Variants in ADGRD1 observed in about 807,000 individuals in gnomAD.
ADGRD1 encodes G-protein coupled receptor 133.
In ADGRD1, 77 loss-of-function variants were observed where a neutral mutation model predicts 113.4. The observed-to-expected ratio is 0.68, with a 90% CI of 0.57 to 0.82. The LOEUF (loss-of-function observed/expected upper bound fraction) is 0.82, where lower values mean the gene tolerates loss of function less well. ADGRD1 is among the 40% of genes least tolerant of loss of function. The pLI, the probability that ADGRD1 is intolerant of heterozygous loss-of-function variation, is 0.00. For missense variants in ADGRD1, 1,036 were observed against 1,139.1 expected, an observed-to-expected ratio of 0.91 and a Z score of 1.30; for synonymous variants, 474 against 475.0, an observed-to-expected ratio of 1.00 and a Z score of 0.03.
chr12:131,120,810 G>C, intron 19 of ADGRD1, 37 bp from the exon 20 acceptor site: 1 of 1,610,276 alleles, frequency 6.2e-7, no homozygotes, highest in Non-Finnish European at 8.5e-7. Context: ...CAGGTGGAAC[G>C]AGGTTGTTGA....
At position 131,138,935 on chromosome 12, in the gene ADGRD1, C is replaced by T. The variant is rs922819085; in HGVS notation, c.2530-233C>T. Among the ~76,000 whole-genome samples the T allele has an allele frequency of 5.3e-5, 8 of 152,274 alleles. No individual in the cohort carries two copies. The Middle Eastern group carries it at 0.01, about 194-fold the overall frequency. On this transcript the variant is annotated intron_variant, in intron 24 of 24. Coordinates refer to ENST00000261654, the MANE Select transcript of ADGRD1 (RefSeq NM_198827.5). ...GAGGGAGTGAGCGCTCAGCACAGCA[C>T]GCCTGCAGTGCCCTTAAGGGGAGTC...
At chr12:131,073,867 A>G (rs921312856) in intron 13 of ADGRD1, among the ~76,000 whole-genome samples, 2 of 152,194 alleles carry the variant, frequency 1.3e-5, no homozygotes, top group Non-Finnish European at 2.9e-5. Context: ...ACTTACTCCC[A>G]TAACAGTGAC....
At position 131,136,117 on chromosome 12, in the gene ADGRD1, G is replaced by T. The variant is rs747394503; in HGVS notation, c.2348G>T (p.Cys783Phe). Residue 783 changes from cysteine (C) to phenylalanine (F), a missense_variant, in exon 22 of 25, where the codon TGT becomes TTT. Coordinates refer to ENST00000261654, the MANE Select transcript of ADGRD1 (RefSeq NM_198827.5). ...WVFGVLAVNG[C>F]AVVFQYMFAT... ...TTTGGCGTGCTTGCTGTCAACGGTTGTGCTGTGGTTTTCCAGTACATGTTT... is the reference window on the plus strand; with the variant it reads ...TTTGGCGTGCTTGCTGTCAACGGTTTTGCTGTGGTTTTCCAGTACATGTTT... 5.9e-5 allele frequency: 96 copies of T among 1,614,096 alleles called. No homozygotes were observed. Among genetic ancestry groups the T allele is most frequent in the Non-Finnish European group, 7.8e-5 (92 of 1,180,048 alleles).
intron 20 of ADGRD1, among the ~76,000 whole-genome samples, chr12:131,128,330 A>T (rs950809414): frequency 1.3e-5 from 2 of 151,816 alleles, no homozygotes; most frequent in African/African-American, 4.8e-5. Context: ...GCACTCACTC[A>T]AGTTGCTCGA....
chr12:130,990,815 A>G (rs1378706782), intron 6 of ADGRD1, 199 bp from the exon 7 acceptor site: 8 of 504,508 alleles, frequency 1.6e-5, no homozygotes, highest in Non-Finnish European at 2.8e-5. Flanking sequence ...AAGTAATGTG[A>G]CCTGGGAAAA....
At chr12:130,955,804 A>G (rs889511496) in intron 2 of ADGRD1, among the ~76,000 whole-genome samples, 4 of 151,752 alleles carry the variant, frequency 2.6e-5, no homozygotes, top group Non-Finnish European at 5.9e-5. Flanking sequence ...ATTTTTTGAG[A>G]CAAAGTCTCA....
chr12:131,135,252 G>C (rs1246329626), intron 21 of ADGRD1, among the ~76,000 whole-genome samples: 1 of 152,178 alleles, frequency 6.6e-6, no homozygotes, highest in East Asian at 1.9e-4. Flanking sequence ...TATCACCTTA[G>C]CCATTACCAG....
chr12:131,081,110 A>G (rs1025479191), intron 14 of ADGRD1, among the ~76,000 whole-genome samples: 8 of 152,048 alleles, frequency 5.3e-5, no homozygotes, highest in Non-Finnish European at 1.2e-4. Context: ...AGCTTTGTTG[A>G]TTAGTGTTTG....
chr12:130,976,022 G>A lies in ADGRD1; in HGVS notation c.310+4442G>A, dbSNP rs571802646. Among the ~76,000 whole-genome samples, 10 of 152,310 alleles carry A rather than the reference G, an allele frequency of 6.6e-5. No homozygotes were observed. The South Asian group carries it at 2.1e-3, about 32-fold the overall frequency. ...TCTGCTTATAAACCCCAGAGAGGCTGCTGAGGTCCCGAGGCAGCAGCTGGA... is the reference window on the plus strand; with the variant it reads ...TCTGCTTATAAACCCCAGAGAGGCTACTGAGGTCCCGAGGCAGCAGCTGGA... On this transcript the variant is annotated intron_variant, in intron 4 of 24. Transcript: ENST00000261654.
intron 4 of ADGRD1, chr12:130,978,714 T>A (rs1299224141): frequency 1.3e-5 from 2 of 152,264 alleles, no homozygotes; most frequent in Admixed American, 6.5e-5. Flanking sequence ...GGAATTTTTT[T>A]ATTTTTATTT....
chr12:131,067,098 G>A (rs1884782924), intron 13 of ADGRD1, among the ~76,000 whole-genome samples: 1 of 151,982 alleles, frequency 6.6e-6, no homozygotes, highest in African/African-American at 2.4e-5. Flanking sequence ...TTGCTGACAG[G>A]GTCAAGGATT....
intron 18 of ADGRD1, 74 bp from the exon 19 acceptor site, chr12:131,118,311 G>A (rs1002653885): frequency 5.8e-6 from 6 of 1,026,382 alleles, no homozygotes; most frequent in African/African-American, 1.6e-5. Context: ...AGAAAGGAAG[G>A]GAGGGATGGG....
chr12:131,107,975 G>A (rs1390915388), intron 17 of ADGRD1, among the ~76,000 whole-genome samples: 2 of 152,142 alleles, frequency 1.3e-5, no homozygotes, highest in Non-Finnish European at 2.9e-5. Context: ...GACACGCCCT[G>A]GCTGTTCCCA....
Position 131,018,964 on chromosome 12 carries a change from G to A in ADGRD1, c.1473+4624G>A, listed in dbSNP as rs141897509. On this transcript the variant is annotated intron_variant, in intron 13 of 24. Coordinates refer to ENST00000261654, the MANE Select transcript of ADGRD1 (RefSeq NM_198827.5). The stretch of plus-strand genomic sequence containing the variant: ...GGGGCCTGAGGACATGACAGGCAGC[G>A]TCTCAGCAAGGCCGGGGCACAGACT... Among the ~76,000 whole-genome samples, 280 of 152,328 alleles carry A rather than the reference G, an allele frequency of 1.8e-3. 1 individual carries two copies. Among genetic ancestry groups the A allele is most frequent in the African/African-American group, 6.4e-3 (265 of 41,570 alleles).
chr12:130,992,571 A>G (rs1193476250), intron 8 of ADGRD1, 179 bp downstream of exon 8: 8 of 527,338 alleles, frequency 1.5e-5, no homozygotes, highest in Admixed American at 3.6e-5. Context: ...AGCTCTGTAC[A>G]GCTCAGCGGA....
At chr12:131,131,141 G>T (rs923215311) in intron 20 of ADGRD1, among the ~76,000 whole-genome samples, 143 of 152,286 alleles carry the variant, frequency 9.4e-4, no homozygotes, top group African/African-American at 3.4e-3. Flanking sequence ...TGAAGCCTCT[G>T]CCGGGGCCCC....
At chr12:131,134,246 G>A (rs921023499) in intron 21 of ADGRD1, among the ~76,000 whole-genome samples, 19 of 152,294 alleles carry the variant, frequency 1.2e-4, no homozygotes, top group African/African-American at 4.6e-4. Context: ...CCAACCTTGG[G>A]GGAGCAGAAG....
rs2137072610 is a variant in ADGRD1, at chr12:131,057,931, T to G, written c.1474-18870T>G. Among the ~76,000 whole-genome samples the G allele has an allele frequency of 2.0e-5, 3 of 152,332 alleles. No individual in the cohort carries two copies. In the Middle Eastern group the frequency reaches 0.01, roughly 518 times the overall value. ...CAGCCGTCTTCGTGCTCATCTCGCTTCTTTCTTGTTCATGTTTTTCCTTGT... is the reference window on the plus strand; with the variant it reads ...CAGCCGTCTTCGTGCTCATCTCGCTGCTTTCTTGTTCATGTTTTTCCTTGT... On this transcript the variant is annotated intron_variant, in intron 13 of 24. Transcript: ENST00000261654. This position sits in a 1 kb window ranked among gnomAD's most constrained non-coding sequence, Gnocchi z 4.2.
At chr12:131,009,684 TGTGTG>T (rs1307876295) in intron 12 of ADGRD1, among the ~76,000 whole-genome samples, 1 of 147,124 alleles carries the variant, frequency 6.8e-6, no homozygotes, top group African/African-American at 2.7e-5. Context: ...TGTATGTGCT[TGTGTG>T]GTGTATGTGC....
Sources: allele counts gnomAD v4.1 joint callset (sites outside exome capture counted in the v4.1 genomes callset), GRCh38; gene constraint gnomAD v4.1.1; non-coding constraint Gnocchi (gnomAD v3.1); transcripts MANE v1.5; gene names NCBI Gene and HGNC (gene_info 2026-07-23, HGNC 2026-07-21).